Variants in DCDC2 observed in about 807,000 individuals in gnomAD.
DCDC2 encodes the protein doublecortin domain containing 2, also known as doublecortin domain-containing protein 2.
Under a neutral mutation model 50.2 loss-of-function variants are expected in DCDC2, and 40 were observed. That is an observed-to-expected ratio of 0.80 (90% CI 0.62 to 1.04). DCDC2 has a LOEUF of 1.04. Among genes scored for constraint, DCDC2 ranks in the 50% least tolerant of loss-of-function variants. The pLI, the probability that DCDC2 is intolerant of heterozygous loss-of-function variation, is 0.00. For missense variants in DCDC2, 570 were observed against 581.9 expected (o/e 0.98, Z 0.21); for synonymous variants, 234 against 210.6 (o/e 1.11, Z -0.96).
intron 7 of DCDC2, among the ~76,000 whole-genome samples, chr6:24,225,155 A>C (rs1204135351): frequency 6.6e-6 from 1 of 152,112 alleles, no homozygotes; most frequent in Non-Finnish European, 1.5e-5. Flanking sequence ...AGTGGTTGCT[A>C]GGTCTAAGTC....
chr6:24,243,855 G>A (rs74369282), intron 7 of DCDC2, among the ~76,000 whole-genome samples: 3,788 of 152,248 alleles, frequency 0.025, 79 homozygotes, highest in African/African-American at 0.053. Flanking sequence ...ACAGGGAAGA[G>A]AGATAGGGAG....
upstream of DCDC2, among the ~76,000 whole-genome samples, chr6:24,362,126 A>T (rs1760674554): frequency 6.6e-6 from 1 of 152,114 alleles, no homozygotes; most frequent in Admixed American, 6.5e-5. Context: ...TAGTAGTAAA[A>T]TGTAGATGGA....
intron 8 of DCDC2, among the ~76,000 whole-genome samples, chr6:24,183,061 T>C (rs1454886091): frequency 6.6e-6 from 1 of 152,188 alleles, no homozygotes; most frequent in Non-Finnish European, 1.5e-5. Flanking sequence ...AGACAAATAC[T>C]GTATGATTCT....
At chr6:24,258,018 G>T (rs1166031811) in intron 7 of DCDC2, among the ~76,000 whole-genome samples, 1 of 152,174 alleles carries the variant, frequency 6.6e-6, no homozygotes, top group Non-Finnish European at 1.5e-5. Flanking sequence ...AGGAGACACG[G>T]AGGGGATTAG....
At chr6:24,269,426 G>T (rs1763192096) in intron 7 of DCDC2, among the ~76,000 whole-genome samples, 1 of 152,194 alleles carries the variant, frequency 6.6e-6, no homozygotes, top group South Asian at 2.1e-4. Flanking sequence ...AAGGTAAATT[G>T]CATCTACTTA....
At chr6:24,271,966 A>G (rs559416711) in intron 7 of DCDC2, among the ~76,000 whole-genome samples, 1 of 152,204 alleles carries the variant, frequency 6.6e-6, no homozygotes, top group African/African-American at 2.4e-5. Flanking sequence ...ATGAAAAAAT[A>G]ACCCCCAAAA....
chr6:24,253,951 ACT>A (rs924091024), intron 7 of DCDC2, among the ~76,000 whole-genome samples: 2 of 152,152 alleles, frequency 1.3e-5, no homozygotes, highest in Admixed American at 1.3e-4. Context: ...TTTTAACTTG[ACT>A]CTTTCATAAC....
intron 7 of DCDC2, among the ~76,000 whole-genome samples, chr6:24,246,496 T>A (rs1762677339): frequency 7.5e-6 from 1 of 134,052 alleles, no homozygotes; most frequent in Non-Finnish European, 1.6e-5. Flanking sequence ...TTTTTTTTTT[T>A]TTTTTTTTGA....
chr6:24,242,151 G>C (rs540002898), intron 7 of DCDC2, among the ~76,000 whole-genome samples: 1 of 152,168 alleles, frequency 6.6e-6, no homozygotes, highest in Non-Finnish European at 1.5e-5. Flanking sequence ...TCCAGCCTAG[G>C]TGACAGAGTA....
intron 8 of DCDC2, among the ~76,000 whole-genome samples, chr6:24,179,764 CTA>C (rs1761019070): frequency 6.7e-6 from 1 of 150,312 alleles, no homozygotes; most frequent in Non-Finnish European, 1.5e-5. Context: ...ACCATCCTGG[CTA>C]ACACGGTGAA....
chr6:24,340,339 G>A (rs531425553), intron 2 of DCDC2, among the ~76,000 whole-genome samples: 75 of 152,254 alleles, frequency 4.9e-4, no homozygotes, highest in African/African-American at 1.8e-3. Flanking sequence ...AATTAAAATA[G>A]AAATAACACA....
chr6:24,351,608 A>G (rs1355616380), intron 2 of DCDC2, among the ~76,000 whole-genome samples: 2 of 152,220 alleles, frequency 1.3e-5, no homozygotes, highest in Non-Finnish European at 2.9e-5. Context: ...AGTAGGAAGC[A>G]GGATGAAAGA....
At chr6:24,291,678 G>A (rs966333891) in intron 4 of DCDC2, among the ~76,000 whole-genome samples, 1 of 151,374 alleles carries the variant, frequency 6.6e-6, no homozygotes, top group Admixed American at 6.6e-5. Context: ...GTAGAGACCG[G>A]GTTTCACCGT....
the DCDC2 span, among the ~76,000 whole-genome samples, chr6:24,367,215 A>C: frequency 0.12 from 18,124 of 152,300 alleles, 1,458 homozygotes; most frequent in East Asian, 0.17. Flanking sequence ...TTGGGTAATA[A>C]CAGAAATCCT....
chr6:24,245,226 A>T (rs1353009653), intron 7 of DCDC2, among the ~76,000 whole-genome samples: 1 of 152,166 alleles, frequency 6.6e-6, no homozygotes, highest in Non-Finnish European at 1.5e-5. Context: ...GCTCAAAAGA[A>T]AGGGCAATCT....
chr6:24,210,516 C>T (rs978994775), intron 7 of DCDC2, among the ~76,000 whole-genome samples: 4 of 152,132 alleles, frequency 2.6e-5, no homozygotes, highest in Non-Finnish European at 2.9e-5. Context: ...TTTCTATATC[C>T]ATTCCATTGT....
chr6:24,360,440 G>T (rs1760647712), upstream of DCDC2, among the ~76,000 whole-genome samples: 1 of 152,188 alleles, frequency 6.6e-6, no homozygotes, highest in Non-Finnish European at 1.5e-5. Flanking sequence ...GCCAGGGAAA[G>T]GATTTTTTCA....
At chr6:24,295,406 A>C (rs1763840223) in intron 4 of DCDC2, among the ~76,000 whole-genome samples, 2 of 152,230 alleles carry the variant, frequency 1.3e-5, no homozygotes, top group South Asian at 4.1e-4. Context: ...GAAAACCAGC[A>C]GAAGAAAGAG....
At chr6:24,201,854 A>G (rs9467073) in intron 8 of DCDC2, among the ~76,000 whole-genome samples, 27,238 of 152,214 alleles carry the variant, frequency 0.18, 2,797 homozygotes, top group African/African-American at 0.25. Flanking sequence ...AGAGAATACT[A>G]TGAACACCTC....
Sources: allele counts gnomAD v4.1 joint callset (sites outside exome capture counted in the v4.1 genomes callset), GRCh38; gene constraint gnomAD v4.1.1; transcripts MANE v1.5; gene names NCBI Gene and HGNC (gene_info 2026-07-23, HGNC 2026-07-21).